The following DCAF17 variants were observed in gnomAD, a reference collection of about 807,000 sequenced individuals.
DCAF17 encodes the protein DDB1 and CUL4 associated factor 17.
Under a neutral mutation model 66.0 loss-of-function variants are expected in DCAF17, and 48 were observed. That is an observed-to-expected ratio of 0.73 (90% confidence interval 0.58 to 0.92). DCAF17 has a LOEUF of 0.92. DCAF17 is among the 40% of genes least tolerant of loss of function. The pLI is 0.00. For synonymous variants in DCAF17, 206 were observed against 214.6 expected, an observed-to-expected ratio of 0.96 and a Z score of 0.35; for missense variants, 562 against 622.8, an observed-to-expected ratio of 0.90 and a Z score of 1.04.
Position 171,458,419 on chromosome 2 carries a change from G to A in DCAF17, c.780G>A (p.Gly260=). Residue 260 remains glycine, a synonymous_variant, in exon 8 of 14, where the codon GGG becomes GGA. Transcript: ENST00000375255. ...LDLGCACRWG[G]TTGTVGEAPF... is the part of the protein sequence containing the mutation. ...TAGGGTGTGCATGCAGATGGGGTGG[G>A]ACTACTGGAACTGTAGGAGAGGCTC... 1 of 1,613,964 alleles carries A rather than the reference G, an allele frequency of 6.2e-7. No individual in the cohort carries two copies. The highest frequency in any genetic ancestry group is 8.5e-7 in the Non-Finnish European group (1 of 1,179,970).
intron 10 of DCAF17, among the ~76,000 whole-genome samples, chr2:171,476,164 T>C (rs945538710): frequency 2.0e-5 from 3 of 152,100 alleles, no homozygotes; most frequent in African/African-American, 7.2e-5. Flanking sequence ...TTTTTTTGCA[T>C]TTGAGACTTT....
chr2:171,476,941 G>C lies in DCAF17; in HGVS notation c.1173G>C (p.Glu391Asp). The C allele has an allele frequency of 6.2e-7, 1 of 1,611,048 alleles. No homozygotes were observed. The highest frequency in any genetic ancestry group is 8.5e-7 in the Non-Finnish European group (1 of 1,177,428). ...ATTTTGTCATTTTGGCCAACAGGGAGAACCATAAAGTAAGTCAAGAGTACT... is the reference window on the plus strand; with the variant it reads ...ATTTTGTCATTTTGGCCAACAGGGACAACCATAAAGTAAGTCAAGAGTACT... ...SEDFVILANRENHKNENVLTV... is the reference protein window; with the variant it reads ...SEDFVILANRDNHKNENVLTV... The change falls in exon 11 of 14, where the codon GAG becomes GAC. Residue 391 changes from glutamate (E) to aspartate (D), a missense_variant. This residue lies in a region of DCAF17 where 201 missense variants were observed against 231.1 expected (regional missense o/e 0.87). Transcript: ENST00000375255.
At chr2:171,477,320 G>A (rs1696543946) in intron 11 of DCAF17, among the ~76,000 whole-genome samples, 1 of 152,080 alleles carries the variant, frequency 6.6e-6, no homozygotes, top group Non-Finnish European at 1.5e-5. Flanking sequence ...TTTTCTTTTA[G>A]TGTATAAATT....
At chr2:171,436,673 G>T (rs536943063) in intron 2 of DCAF17, among the ~76,000 whole-genome samples, 1 of 149,290 alleles carries the variant, frequency 6.7e-6, no homozygotes, top group Non-Finnish European at 1.5e-5. Flanking sequence ...ACATATTTTA[G>T]ATACAAGTCC....
At chr2:171,434,885 T>A in intron 1 of DCAF17, 182 bp downstream of exon 1, 1 of 1,098,512 alleles carries the variant, frequency 9.1e-7, no homozygotes, top group South Asian at 1.7e-5. Flanking sequence ...CTTTTAGTTT[T>A]ACGCTTCTTA....
At position 171,434,651 on chromosome 2, in the gene DCAF17, C is replaced by T. The variant is rs952948192; in HGVS notation, c.74C>T (p.Ala25Val). ...RRALGCFSRD[A>V]GVVQRTNLGI... ...GCGCTGGGCTGCTTCTCGCGCGACG[C>T]AGGCGTGGTGCAGAGGACCAACCTG... is the stretch of plus-strand genomic sequence containing the variant. Residue 25 changes from alanine (A) to valine (V), a missense_variant, in exon 1 of 14, where the codon GCA becomes GTA. Ala to Val is a moderately conservative substitution (Grantham distance 64). Coordinates refer to ENST00000375255, the MANE Select transcript of DCAF17 (RefSeq NM_025000.4). 4 of 1,535,896 alleles carry T rather than the reference C, an allele frequency of 2.6e-6. No individual in the cohort carries two copies. The highest frequency in any genetic ancestry group is 1.9e-5 in the Admixed American group (1 of 51,892).
chr2:171,434,632 G>T lies in DCAF17; in HGVS notation c.55G>T (p.Gly19Cys), dbSNP rs867160323. 1 of 1,533,012 alleles carries T rather than the reference G, an allele frequency of 6.5e-7. No individual in the cohort carries two copies. The highest frequency in any genetic ancestry group is 1.2e-5 in the South Asian group (1 of 83,790). 95.0% of individuals were successfully genotyped at this position (1,533,012 alleles called of 1,614,324 possible). A position where few individuals can be genotyped will look rare whatever the true frequency, so the allele number is the denominator to read the frequency against. Reference protein sequence around the residue: ...VCSRLSRRALGCFSRDAGVVQ... With the variant: ...VCSRLSRRALCCFSRDAGVVQ... ...CAGCCGGCTGAGTCGCCGGGCGCTG[G>T]GCTGCTTCTCGCGCGACGCAGGCGT... Residue 19 changes from glycine (G) to cysteine (C), a missense_variant, in exon 1 of 14, where the codon GGC becomes TGC. Physicochemically the swap from Gly to Cys is radical, Grantham distance 159 (BLOSUM62 -3). Around this residue, in one of 3 missense-constraint regions of DCAF17, gnomAD observed 348 missense variants for 355.9 expected, o/e 0.98. Transcript: ENST00000375255.
intron 8 of DCAF17, among the ~76,000 whole-genome samples, chr2:171,460,870 C>G (rs1284732894): frequency 6.6e-6 from 1 of 151,928 alleles, no homozygotes; most frequent in Non-Finnish European, 1.5e-5. Flanking sequence ...CTCTGGGCCT[C>G]AAATTTTGAA....
At position 171,434,230 on chromosome 2, in the gene DCAF17, A is replaced by G. The variant is rs1693568143; in HGVS notation, c.-348A>G. On this transcript the variant is annotated 5_prime_UTR_variant, in exon 1 of 14. Coordinates refer to ENST00000375255, the MANE Select transcript of DCAF17 (RefSeq NM_025000.4). ...GACGGGAATTGTAGTTCCTGGGAGA[A>G]GCCGGGCTGCCTCACGAGGCACTAG... 1 of 445,766 alleles carries G rather than the reference A, an allele frequency of 2.2e-6. No individual in the cohort carries two copies. 27.6% of individuals were successfully genotyped at this position (445,766 alleles called of 1,614,324 possible). A position where few individuals can be genotyped will look rare whatever the true frequency, so the allele number is the denominator to read the frequency against.
Position 171,434,600 on chromosome 2 carries a change from A to G in DCAF17, c.23A>G (p.Asn8Ser), listed in dbSNP as rs767165065. The change falls in exon 1 of 14, where the codon AAC becomes AGC. Residue 8 changes from asparagine to serine, a missense_variant. Transcript: ENST00000375255. The stretch of plus-strand genomic sequence containing the variant: ...TCCATGGGCCCGACCCGGAAGCCCA[A>G]CGTGTGCAGCCGGCTGAGTCGCCGG... MGPTRKP[N>S]VCSRLSRRAL... 4 of 1,528,114 alleles carry G rather than the reference A, an allele frequency of 2.6e-6. No individual in the cohort carries two copies. Among genetic ancestry groups the G allele is most frequent in the Non-Finnish European group, 2.6e-6 (3 of 1,144,286 alleles). The allele number at this position is 1,528,114 out of a possible 1,614,324, so 94.7% of individuals were successfully genotyped here. A position where few individuals can be genotyped will look rare whatever the true frequency, so the allele number is the denominator to read the frequency against.
At position 171,468,823 on chromosome 2, in the gene DCAF17, G is replaced by C. The variant is rs1425819432; in HGVS notation, c.839-65G>C. 3 of 1,601,886 alleles carry C rather than the reference G, an allele frequency of 1.9e-6. No homozygotes were observed. In the African/African-American group the frequency reaches 4.0e-5, roughly 21 times the overall value. On this transcript the variant is annotated intron_variant, in intron 8 of 13. Coordinates refer to ENST00000375255, the MANE Select transcript of DCAF17 (RefSeq NM_025000.4). ...TGCATGCAAAGAAAGGTTGAATTCA[G>C]TTAATGAATAGTCCAGAGCCCCCAG...
intron 5 of DCAF17, among the ~76,000 whole-genome samples, chr2:171,452,289 G>A (rs148052925): frequency 6.6e-6 from 1 of 152,060 alleles, no homozygotes; most frequent in Non-Finnish European, 1.5e-5. Flanking sequence ...CTTCAAAACT[G>A]TATTGGAGAA....
intron 9 of DCAF17, chr2:171,472,738 A>G: frequency 6.0e-6 from 1 of 166,210 alleles, no homozygotes; most frequent in East Asian, 1.8e-4. Flanking sequence ...AATTGATGTG[A>G]GGTATGAATG....
intron 7 of DCAF17, 51 bp downstream of exon 7, chr2:171,458,126 A>G (rs770413753): frequency 6.6e-7 from 1 of 1,523,608 alleles, no homozygotes; most frequent in Non-Finnish European, 9.0e-7. Context: ...GTTTTCGACT[A>G]AAGTATGATT....
At chr2:171,457,135 G>C (rs538108073) in intron 6 of DCAF17, among the ~76,000 whole-genome samples, 5 of 152,150 alleles carry the variant, frequency 3.3e-5, no homozygotes, top group African/African-American at 1.2e-4. Context: ...TCATGAACTA[G>C]TCAATGTCAG....
At chr2:171,453,717 A>G (rs1695086481) in intron 6 of DCAF17, among the ~76,000 whole-genome samples, 1 of 152,162 alleles carries the variant, frequency 6.6e-6, no homozygotes, top group Non-Finnish European at 1.5e-5. Flanking sequence ...GGGAGGAAAG[A>G]AGGAGCAAAT....
At chr2:171,448,560 C>A (rs1393852246) in intron 3 of DCAF17, 121 bp from the exon 4 acceptor site, 5 of 874,852 alleles carry the variant, frequency 5.7e-6, no homozygotes, top group Non-Finnish European at 8.2e-6. Flanking sequence ...GGCATTTAAT[C>A]TTTCTTTTGT....
rs1277974542 is a variant in DCAF17, at chr2:171,481,675, A to C, written c.*561A>C. 1 of 453,410 alleles carries C rather than the reference A, an allele frequency of 2.2e-6. No homozygotes were observed. The highest frequency in any genetic ancestry group is 2.4e-5 in the Admixed American group (1 of 42,446). The allele number at this position is 453,410 out of a possible 1,614,324, so 28.1% of individuals were successfully genotyped here. On this transcript the variant is annotated 3_prime_UTR_variant, in exon 14 of 14. Coordinates refer to ENST00000375255, the MANE Select transcript of DCAF17 (RefSeq NM_025000.4). Reference sequence around the variant, plus strand: ...ATTTATATGTGTTTCGTATTTGTATATAGTATCAGGAATTGGTTCTAGTTC... The same window carrying C: ...ATTTATATGTGTTTCGTATTTGTATCTAGTATCAGGAATTGGTTCTAGTTC...
rs1356183279 is a variant in DCAF17, at chr2:171,481,335, T to C, written c.*221T>C. On this transcript the variant is annotated 3_prime_UTR_variant, in exon 14 of 14. Coordinates refer to ENST00000375255, the MANE Select transcript of DCAF17 (RefSeq NM_025000.4). ...TTTTAGAATACTGTTCCAAGAAGTT[T>C]AGTGTTTTGCAGCTTTGAGCTAGGT... 1.6e-6 allele frequency: 1 copy of C among 632,120 alleles called. No homozygotes were observed. The highest frequency in any genetic ancestry group is 1.8e-5 in the African/African-American group (1 of 55,564). 39.2% of individuals were successfully genotyped at this position (632,120 alleles called of 1,614,324 possible).
Sources: allele counts gnomAD v4.1 joint callset (sites outside exome capture counted in the v4.1 genomes callset), GRCh38; gene constraint gnomAD v4.1.1; regional missense constraint gnomAD v4.1.1; transcripts MANE v1.5; gene names NCBI Gene and HGNC (gene_info 2026-07-23, HGNC 2026-07-21).